The following ZBTB10 variants were observed in gnomAD, a reference collection of about 807,000 sequenced individuals.
The protein encoded by ZBTB10 is zinc finger and BTB domain containing 10.
ZBTB10 carries 32 observed loss-of-function variants against 76.4 expected under a neutral mutation model. The observed-to-expected ratio is 0.42, with a 90% CI of 0.32 to 0.56. ZBTB10 has a LOEUF of 0.56. Ranked by LOEUF, ZBTB10 falls within the 20% of genes least tolerant of loss-of-function variation. ZBTB10 has a pLI of 0.14. For synonymous variants in ZBTB10, 523 were observed against 432.9 expected (o/e 1.21, Z -2.58); for missense variants, 1,057 against 1,098.5 (o/e 0.96, Z 0.53).
At position 80,521,449 on chromosome 8, in the gene ZBTB10, G is replaced by A. The variant is rs181976231; in HGVS notation, c.*1921G>A. On this transcript the variant is annotated 3_prime_UTR_variant, in exon 6 of 6. Coordinates refer to ENST00000455036, the MANE Select transcript of ZBTB10 (RefSeq NM_001105539.3). ...TGTGAATATGTAAGTATAGTATAAAGATTTCTTTCATCCCATTTATCCCCT... is the reference window on the plus strand; with the variant it reads ...TGTGAATATGTAAGTATAGTATAAAAATTTCTTTCATCCCATTTATCCCCT... 16 of 151,698 alleles carry A rather than the reference G, an allele frequency of 1.1e-4. No individual in the cohort carries two copies. The highest frequency in any genetic ancestry group is 3.6e-4 in the African/African-American group (15 of 41,494). The allele number at this position is 151,698 out of a possible 1,614,324, so 9.4% of individuals were successfully genotyped here.
intron 1 of ZBTB10, among the ~76,000 whole-genome samples, chr8:80,488,764 A>G (rs1339298193): frequency 6.6e-6 from 1 of 152,118 alleles, no homozygotes; most frequent in South Asian, 2.1e-4. Flanking sequence ...CTTTAAGGCA[A>G]CCTGTGGTGG....
chr8:80,516,216 T>A (rs1243947195), intron 3 of ZBTB10, among the ~76,000 whole-genome samples: 1 of 152,234 alleles, frequency 6.6e-6, no homozygotes, highest in East Asian at 1.9e-4. Flanking sequence ...CCACTGTGCC[T>A]GGCCTATTTC....
chr8:80,505,834 A>T (rs1816036185), intron 2 of ZBTB10, among the ~76,000 whole-genome samples: 1 of 150,752 alleles, frequency 6.6e-6, no homozygotes, highest in South Asian at 2.1e-4. Context: ...GGCTCATGTG[A>T]TTCTCCCGCC....
At chr8:80,490,786 C>T (rs1240674940) in intron 1 of ZBTB10, among the ~76,000 whole-genome samples, 3 of 152,114 alleles carry the variant, frequency 2.0e-5, no homozygotes, top group Non-Finnish European at 2.9e-5. Context: ...CAAAGAGTCC[C>T]GTTTCTGAGA....
chr8:80,506,625 G>A (rs1018468784), intron 2 of ZBTB10, among the ~76,000 whole-genome samples: 2 of 131,866 alleles, frequency 1.5e-5, no homozygotes, highest in East Asian at 2.4e-4. Context: ...GAGCCAGCAC[G>A]CCCTGCAAAT....
At chr8:80,494,881 AACC>A (rs1332377696) in intron 1 of ZBTB10, among the ~76,000 whole-genome samples, 1 of 150,976 alleles carries the variant, frequency 6.6e-6, no homozygotes, top group Non-Finnish European at 1.5e-5. Flanking sequence ...GCCATGATCT[AACC>A]ACTGCACTCC....
chr8:80,507,293 C>A (rs918489807), intron 2 of ZBTB10, among the ~76,000 whole-genome samples: 4 of 143,574 alleles, frequency 2.8e-5, no homozygotes, highest in Non-Finnish European at 6.0e-5. Context: ...GGTGACAGAG[C>A]GAGACTCAGT....
chr8:80,491,684 C>T (rs1413766981), intron 1 of ZBTB10, among the ~76,000 whole-genome samples: 2 of 152,172 alleles, frequency 1.3e-5, no homozygotes, highest in Non-Finnish European at 2.9e-5. Flanking sequence ...TTGACTACAT[C>T]GTCAGAGTCA....
intron 1 of ZBTB10, among the ~76,000 whole-genome samples, chr8:80,495,956 T>C (rs561139926): frequency 4.6e-5 from 7 of 152,378 alleles, no homozygotes; most frequent in Admixed American, 2.0e-4. Context: ...TAAAATCTCC[T>C]TGTTTAGCCA....
At chr8:80,497,683 C>CTTTTTTTT (rs397891910) in intron 1 of ZBTB10, among the ~76,000 whole-genome samples, 14 of 87,648 alleles carry the variant, frequency 1.6e-4, no homozygotes, top group South Asian at 5.4e-4. Context: ...GTCCTGGAAT[C>CTTTTTTTT]TTTTTTTTTT....
chr8:80,495,123 ATCTC>A (rs531241942), intron 1 of ZBTB10, among the ~76,000 whole-genome samples: 30 of 148,198 alleles, frequency 2.0e-4, no homozygotes, highest in African/African-American at 5.2e-4. Flanking sequence ...GGGGATTCAA[ATCTC>A]TCTCTCTCTT....
rs1421938283 is a variant in ZBTB10, at chr8:80,493,206, C to CGCGCGT, written c.972+5426_972+5427insGCGTGC. ...CTGTGCCTCAAAACGCGCGCGCGCG[C>CGCGCGT]GCACACACACACACACACACACACA... On this transcript the variant is annotated intron_variant, in intron 1 of 5. Transcript: ENST00000455036. Among the ~76,000 whole-genome samples the CGCGCGT allele has an allele frequency of 3.0e-3, 325 of 108,090 alleles. 2 individuals are homozygous for CGCGCGT. Among genetic ancestry groups the CGCGCGT allele is most frequent in the African/African-American group, 0.012 (318 of 25,940 alleles). 70.9% of individuals were successfully genotyped at this position (108,090 alleles called of 152,430 possible).
chr8:80,509,621 G>C (rs1419047975), intron 2 of ZBTB10, among the ~76,000 whole-genome samples: 3 of 152,054 alleles, frequency 2.0e-5, no homozygotes, highest in Non-Finnish European at 2.9e-5. Flanking sequence ...TGTCTTTAAT[G>C]ATACCTTGTT....
intron 2 of ZBTB10, among the ~76,000 whole-genome samples, chr8:80,503,493 AATTTATTATTT>A (rs987605609): frequency 2.0e-5 from 3 of 150,854 alleles, no homozygotes; most frequent in African/African-American, 7.3e-5. Flanking sequence ...GGAATAGTGT[AATTTATTATTT>A]ATTTATTTAT....
rs1421334175 is a variant in ZBTB10 at position 80,486,864 on chromosome 8, G to T, written c.54G>T (p.Leu18Phe). 6.6e-7 allele frequency: 1 copy of T among 1,509,808 alleles called. No homozygotes were observed. The highest frequency in any genetic ancestry group is 1.2e-5 in the South Asian group (1 of 80,548). The allele number at this position is 1,509,808 out of a possible 1,614,324, so 93.5% of individuals were successfully genotyped here. A position where few individuals can be genotyped will look rare whatever the true frequency, so the allele number is the denominator to read the frequency against. The change falls in exon 1 of 6, where the codon TTG (leucine) becomes TTT (phenylalanine). Residue 18 changes from leucine to phenylalanine, a missense_variant. Leu to Phe is a conservative substitution (Grantham distance 22). This residue lies in a region of ZBTB10 where 556 missense variants were observed against 451.7 expected (regional missense o/e 1.23). Coordinates refer to ENST00000455036, the MANE Select transcript of ZBTB10 (RefSeq NM_001105539.3). The part of the protein sequence containing the change: ...RRTLAFRGGG[L>F]VTASGGGSTN... ...CGCTGGCGTTCCGAGGAGGCGGGTT[G>T]GTCACCGCTAGCGGCGGCGGCTCCA...
chr8:80,496,903 A>G (rs1585843902), intron 1 of ZBTB10, among the ~76,000 whole-genome samples: 2 of 152,212 alleles, frequency 1.3e-5, no homozygotes, highest in African/African-American at 4.8e-5. Context: ...ACTATAATAT[A>G]TAGTAGATTG....
rs1280901675 is a variant in ZBTB10 at position 80,525,916 on chromosome 8, A to G, written c.*6388A>G. On this transcript the variant is annotated 3_prime_UTR_variant, in exon 6 of 6. Transcript: ENST00000455036. ...GTTATTTTGTGTTGCCAAGCATATG[A>G]TACGTGGTGTCACACTGAGCCTTTG... 2 of 152,314 alleles carry G rather than the reference A, an allele frequency of 1.3e-5. No homozygotes were observed. The highest frequency in any genetic ancestry group is 3.9e-4 in the East Asian group (2 of 5,186). 9.4% of individuals were successfully genotyped at this position (152,314 alleles called of 1,614,324 possible).
Position 80,519,711 on chromosome 8 carries a change from TAC to T in ZBTB10, c.*185_*186del. ...TTTTTTTTATATTTGCACAGGACTA[TAC>T]AGCAAACAACCATGTGGTTGGATTA... On this transcript the variant is annotated 3_prime_UTR_variant, in exon 6 of 6. Coordinates refer to ENST00000455036, the MANE Select transcript of ZBTB10 (RefSeq NM_001105539.3). The T allele has an allele frequency of 1.8e-6, 1 of 555,794 alleles. No individual in the cohort carries two copies. Among genetic ancestry groups the T allele is most frequent in the Non-Finnish European group, 3.1e-6 (1 of 318,648 alleles). 34.4% of individuals were successfully genotyped at this position (555,794 alleles called of 1,614,324 possible).
intron 1 of ZBTB10, among the ~76,000 whole-genome samples, chr8:80,494,060 G>A (rs967843963): frequency 8.5e-5 from 13 of 152,122 alleles, no homozygotes; most frequent in Admixed American, 2.6e-4. Context: ...GGCCTTGTTT[G>A]TCTTCCTTCT....
Sources: gnomAD v4.1 joint callset for allele counts (sites outside exome capture counted in the v4.1 genomes callset) on GRCh38, gnomAD v4.1.1 for gene constraint, gnomAD v4.1.1 regional missense constraint, MANE v1.5 for transcripts, NCBI Gene and HGNC (gene_info 2026-07-23, HGNC 2026-07-21) for gene names.